Variants in HEATR9 observed in about 807,000 individuals in gnomAD.
HEATR9 encodes HEAT repeat containing 9.
In HEATR9, 54 loss-of-function variants were observed where a neutral mutation model predicts 68.2. That is an observed-to-expected ratio of 0.79 (90% CI 0.64 to 0.99). HEATR9 has a LOEUF of 0.99. Ranked by LOEUF, HEATR9 falls within the 50% of genes least tolerant of loss-of-function variation. HEATR9 has a pLI of 0.00. For synonymous variants in HEATR9, 241 were observed against 253.5 expected (o/e 0.95, Z 0.47); for missense variants, 662 against 679.7 (o/e 0.97, Z 0.29).
intron 11 of HEATR9, among the ~76,000 whole-genome samples, chr17:35,857,945 G>T (rs903543914): frequency 6.6e-6 from 1 of 152,014 alleles, no homozygotes; most frequent in Non-Finnish European, 1.5e-5. Context: ...AAGGGGAGAC[G>T]GATTACTTAC....
At chr17:35,855,534 G>T in intron 14 of HEATR9, 124 bp from the exon 15 acceptor site, 3 of 1,299,996 alleles carry the variant, frequency 2.3e-6, no homozygotes, top group Non-Finnish European at 3.3e-6. Context: ...AAGGAACAAG[G>T]TCAAGGGACA....
intron 8 of HEATR9, chr17:35,861,643 T>G (rs2087996217): frequency 3.4e-6 from 2 of 590,664 alleles, no homozygotes; most frequent in Non-Finnish European, 6.0e-6. Flanking sequence ...TCCTTCTGCC[T>G]GGAATGTCTT....
chr17:35,855,814 C>G, intron 13 of HEATR9, 64 bp from the exon 14 acceptor site: 2 of 1,321,486 alleles, frequency 1.5e-6, no homozygotes, highest in Non-Finnish European at 2.2e-6. Context: ...ATACTCTTTC[C>G]CATTCTAGCC....
rs529097232 is a variant in HEATR9, at chr17:35,858,501, T to C, written c.964A>G (p.Met322Val). 17 of 1,613,152 alleles carry C rather than the reference T, an allele frequency of 1.1e-5. No homozygotes were observed. The South Asian group carries it at 1.9e-4, about 18-fold the overall frequency. Residue 322 changes from methionine (M) to valine (V), a missense_variant, in exon 10 of 15, where the codon ATG (methionine) becomes GTG (valine). Physicochemically the swap from Met to Val is conservative, Grantham distance 21 (BLOSUM62 1). Coordinates refer to ENST00000604834, the MANE Select transcript of HEATR9 (RefSeq NM_152781.4). ...ATGACTGGGGCTGAGTGCACGTGCA[T>C]CACCTTGACCAGCATCCTAAGTGCC... ...MKALRMLVKV[M>V]HVHSAPVIKA...
chr17:35,862,677 A>G (rs146948933), intron 8 of HEATR9, among the ~76,000 whole-genome samples: 1 of 152,336 alleles, frequency 6.6e-6, no homozygotes, highest in African/African-American at 2.4e-5. Flanking sequence ...TAAGGAGTGT[A>G]CTGACTGTGT....
At chr17:35,859,474 T>G (rs1175315894) in intron 8 of HEATR9, among the ~76,000 whole-genome samples, 3 of 152,172 alleles carry the variant, frequency 2.0e-5, no homozygotes, top group Non-Finnish European at 2.9e-5. Context: ...CCATCACCTC[T>G]TTTTCCAGCT....
intron 1 of HEATR9, among the ~76,000 whole-genome samples, chr17:35,867,767 TTTTTGTTTTG>T (rs747100766): frequency 1.3e-5 from 2 of 152,090 alleles, no homozygotes; most frequent in Non-Finnish European, 2.9e-5. Context: ...CATTTCCTGT[TTTTTGTTTTG>T]TTTTGTTTTG....
chr17:35,855,472 G>T lies in HEATR9; in HGVS notation c.1366-62C>A. On this transcript the variant is annotated intron_variant, in intron 14 of 14. Transcript: ENST00000604834. ...TGGGTTCAGGCTGGGAGGCTCCAGA[G>T]AGGGGGCACCCAAAGTAGGGGGGAA... The T allele has an allele frequency of 3.4e-6, 5 of 1,487,350 alleles. No individual in the cohort carries two copies. The East Asian group carries it at 9.1e-5, about 27-fold the overall frequency. 92.1% of individuals were successfully genotyped at this position (1,487,350 alleles called of 1,614,324 possible). A position where few individuals can be genotyped will look rare whatever the true frequency, so the allele number is the denominator to read the frequency against.
rs931061748 is a variant in HEATR9 at position 35,855,221 on chromosome 17, A to G, written c.1555T>C (p.Leu519=). ...QDFRLAKLNP[L]FIAKSITKVG... is the part of the protein sequence containing the mutation. Reference sequence around the variant, plus strand: ...TTGGTGATGGACTTTGCAATAAACAAGGGGTTCAGCTTTGCAAGTCGAAAG... The same window carrying G: ...TTGGTGATGGACTTTGCAATAAACAGGGGGTTCAGCTTTGCAAGTCGAAAG... Residue 519 remains leucine (L), a synonymous_variant, in exon 15 of 15, where the codon TTG becomes CTG. Coordinates refer to ENST00000604834, the MANE Select transcript of HEATR9 (RefSeq NM_152781.4). The G allele has an allele frequency of 2.5e-6, 4 of 1,614,046 alleles. No homozygotes were observed. The African/African-American group carries it at 4.0e-5, about 16-fold the overall frequency.
rs192888890 is a variant in HEATR9 at position 35,857,607 on chromosome 17, A to C, written c.1152+593T>G. On this transcript the variant is annotated intron_variant, in intron 11 of 14. Transcript: ENST00000604834. ...ACCCCGTCTCTACTAAAAATGCAAA[A>C]AATTAGCTAGGCGTGGTTGCGGGCG... Among the ~76,000 whole-genome samples the C allele has an allele frequency of 5.9e-3, 904 of 152,062 alleles. 4 individuals carry two copies. The highest frequency in any genetic ancestry group is 9.3e-3 in the Non-Finnish European group (632 of 67,990).
rs770300181 is a variant in HEATR9, at chr17:35,864,481, C to T, written c.510+16G>A. ...CCTGGCTGTAACCACCCTCCTCTAT[C>T]CTTGCCTCTTCTCACCTGTGCTGCA... On this transcript the variant is annotated intron_variant, in intron 5 of 14. Coordinates refer to ENST00000604834, the MANE Select transcript of HEATR9 (RefSeq NM_152781.4). The T allele has an allele frequency of 1.1e-5, 18 of 1,612,696 alleles. No homozygotes were observed. The highest frequency in any genetic ancestry group is 1.4e-5 in the Non-Finnish European group (17 of 1,179,372).
chr17:35,866,846 G>C lies in HEATR9; in HGVS notation c.89-73C>G. 2.7e-6 allele frequency: 4 copies of C among 1,469,986 alleles called. 1 individual carries two copies. In the South Asian group the frequency reaches 4.5e-5, roughly 17 times the overall value. 91.1% of individuals were successfully genotyped at this position (1,469,986 alleles called of 1,614,324 possible). A position where few individuals can be genotyped will look rare whatever the true frequency, so the allele number is the denominator to read the frequency against. On this transcript the variant is annotated intron_variant, in intron 1 of 14. Transcript: ENST00000604834. ...TTGCAGGCCAGGCTTGGTGGCTTCTGCCTGTAATCCCAGCACTTTGGGAAG... is the reference window on the plus strand; with the variant it reads ...TTGCAGGCCAGGCTTGGTGGCTTCTCCCTGTAATCCCAGCACTTTGGGAAG...
In HEATR9 at chr17:35,866,673, C is replaced by T. The variant is rs755138116; in HGVS notation, c.138+51G>A. The T allele has an allele frequency of 7.8e-6, 12 of 1,539,124 alleles. No homozygotes were observed. In the South Asian group the frequency reaches 1.2e-4, roughly 16 times the overall value. On this transcript the variant is annotated intron_variant, in intron 2 of 14. Coordinates refer to ENST00000604834, the MANE Select transcript of HEATR9 (RefSeq NM_152781.4). ...TTAATGGGAAGGGATAGTTTGCTGC[C>T]CCTCCTAACTTTGATACAGCTCCCA...
chr17:35,856,682 C>T, intron 12 of HEATR9, 50 bp downstream of exon 12: 1 of 1,506,098 alleles, frequency 6.6e-7, no homozygotes, highest in Non-Finnish European at 9.1e-7. Context: ...GACCCTCTGC[C>T]CCCTTCCCAC....
chr17:35,856,885 A>G, intron 11 of HEATR9, 80 bp from the exon 12 acceptor site: 1 of 1,302,840 alleles, frequency 7.7e-7, no homozygotes, highest in Non-Finnish European at 1.1e-6. Context: ...TCTTTACTGA[A>G]CATTTCCTTT....
intron 3 of HEATR9, 47 bp from the exon 4 acceptor site, chr17:35,864,937 CT>C: frequency 1.2e-6 from 2 of 1,613,000 alleles, no homozygotes; most frequent in Non-Finnish European, 1.7e-6. Flanking sequence ...TGTACCTTCC[CT>C]CCTCAGGTTG....
At position 35,858,926 on chromosome 17, in the gene HEATR9, G is replaced by A. The variant is rs773351420; in HGVS notation, c.901C>T (p.Gln301Ter). 2.5e-6 allele frequency: 4 copies of A among 1,614,014 alleles called. No homozygotes were observed. The East Asian group carries it at 8.9e-5, about 36-fold the overall frequency. The change falls in exon 9 of 15, where the codon CAG (glutamine) becomes TAG (stop). Residue 301 changes from glutamine (Q) to a stop codon, truncating the protein, a stop_gained. Coordinates refer to ENST00000604834, the MANE Select transcript of HEATR9 (RefSeq NM_152781.4). LOFTEE classifies it high-confidence loss of function. ...CSNMVQEFLL[Q>*]CLCQGLKTQR... The stretch of plus-strand genomic sequence containing the variant: ...GTCTTGAGTCCTTGGCACAGGCACT[G>A]CAACAAGAACTCTTGGACCATGTTG...
intron 8 of HEATR9, chr17:35,861,256 T>C (rs1346313762): frequency 4.6e-6 from 7 of 1,511,430 alleles, no homozygotes; most frequent in Non-Finnish European, 5.5e-6. Flanking sequence ...AAATTTAGCT[T>C]GACGTTTCTG....
intron 1 of HEATR9, 120 bp downstream of exon 1, chr17:35,868,535 C>T (rs1487057163): frequency 2.6e-6 from 4 of 1,510,368 alleles, no homozygotes; most frequent in Non-Finnish European, 3.5e-6. Context: ...AAGGGCCTGC[C>T]CTGATGTTTC....
Sources: gnomAD v4.1 joint callset for allele counts (sites outside exome capture counted in the v4.1 genomes callset) on GRCh38, gnomAD v4.1.1 for gene constraint, MANE v1.5 for transcripts, NCBI Gene and HGNC (gene_info 2026-07-23, HGNC 2026-07-21) for gene names.